HIF1A: variants seen among roughly 807,000 people sequenced by gnomAD.
The protein encoded by HIF1A is hypoxia-inducible factor 1-alpha.
A neutral mutation model predicts 92.7 loss-of-function variants in HIF1A; 24 were observed. The observed-to-expected ratio is 0.26, with a 90% CI of 0.19 to 0.36. The LOEUF is 0.36. Among genes scored for constraint, HIF1A ranks in the 10% least tolerant of loss-of-function variants. The pLI is 1.00. For missense variants in HIF1A, 799 were observed against 998.5 expected, an observed-to-expected ratio of 0.80 and a Z score of 2.69; for synonymous variants, 319 against 338.7, an observed-to-expected ratio of 0.94 and a Z score of 0.64.
Position 61,696,864 on chromosome 14 carries a change from T to C in HIF1A, c.35+1025T>C, listed in dbSNP as rs1319234948. 3.3e-5 allele frequency among the ~76,000 whole-genome samples: 5 copies of C among 152,192 alleles called. 1 individual carries two copies. On this transcript the variant is annotated intron_variant, in intron 1 of 14. Coordinates refer to ENST00000337138, the MANE Select transcript of HIF1A (RefSeq NM_001530.4). ...AAGTAAGTAATCACTCGGTTAGAAC[T>C]TAATGCAAGTTTTATAAATCACCTT...
At chr14:61,715,399 C>T (rs550178746) in intron 1 of HIF1A, among the ~76,000 whole-genome samples, 5 of 152,154 alleles carry the variant, frequency 3.3e-5, no homozygotes, top group Non-Finnish European at 7.3e-5. Context: ...TTCTTTATGT[C>T]TTTGGCATGT....
At chr14:61,722,125 G>A (rs1478696413) in intron 4 of HIF1A, among the ~76,000 whole-genome samples, 1 of 146,358 alleles carries the variant, frequency 6.8e-6, no homozygotes, top group Non-Finnish European at 1.5e-5. Context: ...TCGCTCTTTT[G>A]CCCATGCTGG....
chr14:61,715,823 C>T (rs2044357436), intron 1 of HIF1A: 1 of 152,130 alleles, frequency 6.6e-6, no homozygotes, highest in Non-Finnish European at 1.5e-5. Context: ...AACATAGATT[C>T]CGTCTCTGCA....
At chr14:61,697,241 T>C (rs2044127503) in intron 1 of HIF1A, among the ~76,000 whole-genome samples, 1 of 152,212 alleles carries the variant, frequency 6.6e-6, no homozygotes, top group Non-Finnish European at 1.5e-5. Context: ...AGGTCACTTA[T>C]AAAATTCAAA....
intron 4 of HIF1A, among the ~76,000 whole-genome samples, chr14:61,726,109 C>T (rs568817606): frequency 2.6e-5 from 4 of 152,162 alleles, no homozygotes; most frequent in Admixed American, 6.5e-5. Context: ...CATGAGCCAC[C>T]GTGCCCTGCC....
chr14:61,745,837 C>T lies in HIF1A; in HGVS notation c.2329+20C>T, dbSNP rs1209797884. On this transcript the variant is annotated intron_variant, in intron 14 of 14. Coordinates refer to ENST00000337138, the MANE Select transcript of HIF1A (RefSeq NM_001530.4). ...CCTCTGGTTAGTTTATTCTTTTTGA[C>T]CTTGAACATCACAAAGACAAAATAC... 6 of 1,578,876 alleles carry T rather than the reference C, an allele frequency of 3.8e-6. No homozygotes were observed. Among genetic ancestry groups the T allele is most frequent in the East Asian group, 4.5e-5 (2 of 44,540 alleles).
chr14:61,720,688 G>T, intron 2 of HIF1A, 116 bp downstream of exon 2: 1 of 575,464 alleles, frequency 1.7e-6, no homozygotes, highest in East Asian at 3.2e-5. Flanking sequence ...TTTATATTGT[G>T]ATATGTACAC....
At chr14:61,700,522 C>G (rs137920369) in intron 1 of HIF1A, among the ~76,000 whole-genome samples, 1 of 152,234 alleles carries the variant, frequency 6.6e-6, no homozygotes, top group East Asian at 1.9e-4. Context: ...ATTATATGTT[C>G]CATATTTTGT....
chr14:61,736,501 C>T (rs551836987), intron 8 of HIF1A, among the ~76,000 whole-genome samples: 4 of 152,142 alleles, frequency 2.6e-5, no homozygotes, highest in Non-Finnish European at 5.9e-5. Flanking sequence ...TAGTAGTCCT[C>T]AGTGTCTATT....
chr14:61,726,263 A>C (rs2044502902), intron 4 of HIF1A, among the ~76,000 whole-genome samples: 1 of 152,198 alleles, frequency 6.6e-6, no homozygotes, highest in South Asian at 2.1e-4. Flanking sequence ...TGTTATTAAA[A>C]AGAAAGTTGT....
intron 8 of HIF1A, 132 bp from the exon 9 acceptor site, chr14:61,736,757 A>G (rs999528390): frequency 7.9e-6 from 5 of 634,462 alleles, no homozygotes; most frequent in East Asian, 2.7e-5. Flanking sequence ...ATGAGTGATC[A>G]TGCATCTCAA....
Position 61,740,537 on chromosome 14 carries a change from G to A in HIF1A, c.1569G>A (p.Val523=), listed in dbSNP as rs1158603606. 6.3e-7 allele frequency: 1 copy of A among 1,594,624 alleles called. No individual in the cohort carries two copies. The highest frequency in any genetic ancestry group is 1.1e-5 in the South Asian group (1 of 89,542). ...GTCCCAGTGAATATTGTTTTTATGT[G>A]GATAGTGATATGGTCAATGAATTCA... ...PNSPSEYCFY[V]DSDMVNEFKL... Residue 523 remains valine (V), a synonymous_variant, in exon 11 of 15, where the codon GTG becomes GTA. Transcript: ENST00000337138.
chr14:61,726,962 A>G, intron 5 of HIF1A, 144 bp downstream of exon 5: 3 of 532,766 alleles, frequency 5.6e-6, no homozygotes, highest in Non-Finnish European at 9.9e-6. Flanking sequence ...ACTCATTTGC[A>G]TGTGATCTCC....
intron 1 of HIF1A, among the ~76,000 whole-genome samples, chr14:61,718,843 G>A (rs569516395): frequency 2.0e-5 from 3 of 152,150 alleles, no homozygotes; most frequent in Non-Finnish European, 2.9e-5. Context: ...ATAGCTCACC[G>A]TAAATTTCAA....
chr14:61,729,393 C>T lies in HIF1A; in HGVS notation c.773+1738C>T, dbSNP rs1156486869. 2.0e-5 allele frequency among the ~76,000 whole-genome samples: 3 copies of T among 150,712 alleles called. No individual in the cohort carries two copies. In the East Asian group the frequency reaches 5.9e-4, roughly 30 times the overall value. ...AGGAGAATTGCTTGAATCCAGGAGGCGGAGGTTGCAGTGAACCAAGCTTGC... is the reference window on the plus strand; with the variant it reads ...AGGAGAATTGCTTGAATCCAGGAGGTGGAGGTTGCAGTGAACCAAGCTTGC... On this transcript the variant is annotated intron_variant, in intron 6 of 14. Transcript: ENST00000337138.
chr14:61,702,388 C>G (rs1163780982), intron 1 of HIF1A, among the ~76,000 whole-genome samples: 1 of 147,572 alleles, frequency 6.8e-6, no homozygotes, highest in East Asian at 2.0e-4. Context: ...TGCAGTGAGC[C>G]AAGATCGCGC....
intron 1 of HIF1A, among the ~76,000 whole-genome samples, chr14:61,710,201 T>C (rs753033997): frequency 1.2e-4 from 18 of 152,232 alleles, no homozygotes; most frequent in Admixed American, 6.5e-5. Context: ...TTGTAGACTT[T>C]GCTTTTATCC....
Position 61,741,030 on chromosome 14 carries a change from C to G in HIF1A, c.1935C>G (p.Thr645=), listed in dbSNP as rs771353657. The G allele has an allele frequency of 6.2e-7, 1 of 1,614,038 alleles. No individual in the cohort carries two copies. Among genetic ancestry groups the G allele is most frequent in the Non-Finnish European group, 8.5e-7 (1 of 1,179,966 alleles). The change falls in exon 12 of 15, where the codon ACC becomes ACG. Residue 645 remains threonine (T), a synonymous_variant. Coordinates refer to ENST00000337138, the MANE Select transcript of HIF1A (RefSeq NM_001530.4). ...IKILIASPSP[T]HIHKETTSAT... ...TATTGATTGCATCTCCATCTCCTACCCACATACATAAAGAAACTACTAGTG... is the reference window on the plus strand; with the variant it reads ...TATTGATTGCATCTCCATCTCCTACGCACATACATAAAGAAACTACTAGTG...
intron 1 of HIF1A, among the ~76,000 whole-genome samples, chr14:61,717,731 T>C (rs190576040): frequency 1.3e-5 from 2 of 152,274 alleles, no homozygotes; most frequent in African/African-American, 2.4e-5. Flanking sequence ...GTTAGCTTGA[T>C]TGGATACCCT....
Sources: gnomAD v4.1 joint callset for allele counts (sites outside exome capture counted in the v4.1 genomes callset) on GRCh38, gnomAD v4.1.1 for gene constraint, MANE v1.5 for transcripts, NCBI Gene and HGNC (gene_info 2026-07-23, HGNC 2026-07-21) for gene names.